The following GALNT13 variants were observed in gnomAD, a reference collection of about 807,000 sequenced individuals.
GALNT13 encodes polypeptide N-acetylgalactosaminyltransferase 13, also known as UDP-GalNAc:polypeptide N-acetylgalactosaminyltransferase 13.
Under a neutral mutation model 64.2 loss-of-function variants are expected in GALNT13, and 28 were observed. The observed-to-expected ratio is 0.44, with a 90% CI of 0.32 to 0.60. The LOEUF (loss-of-function observed/expected upper bound fraction) is 0.60. Among genes scored for constraint, GALNT13 ranks in the 20% least tolerant of loss-of-function variants. The pLI, the probability that GALNT13 is intolerant of heterozygous loss-of-function variation, is 0.05. For synonymous variants in GALNT13, 214 were observed against 224.6 expected, an observed-to-expected ratio of 0.95 and a Z score of 0.42; for missense variants, 577 against 669.8, an observed-to-expected ratio of 0.86 and a Z score of 1.53.
the GALNT13 span, among the ~76,000 whole-genome samples, chr2:153,374,557 T>C: frequency 3.3e-5 from 5 of 152,174 alleles, no homozygotes; most frequent in Non-Finnish European, 5.9e-5. Context: ...CAATTCTCTT[T>C]TCTGTGTTCA....
chr2:153,826,426 A>G, the GALNT13 span, among the ~76,000 whole-genome samples: 1 of 152,330 alleles, frequency 6.6e-6, no homozygotes, highest in South Asian at 2.1e-4. Context: ...TTGTGGATTA[A>G]GTTTTAACAT....
chr2:153,565,615 T>C, the GALNT13 span, among the ~76,000 whole-genome samples: 1 of 152,186 alleles, frequency 6.6e-6, no homozygotes, highest in South Asian at 2.1e-4. Context: ...CATTTTTTTC[T>C]CGTAAGTGTT....
At chr2:153,558,986 T>A in the GALNT13 span, among the ~76,000 whole-genome samples, 1 of 152,206 alleles carries the variant, frequency 6.6e-6, no homozygotes, top group African/African-American at 2.4e-5. Flanking sequence ...AGAAATGTTA[T>A]TATATTTTGG....
the GALNT13 span, among the ~76,000 whole-genome samples, chr2:153,628,444 C>T: frequency 4.5e-3 from 680 of 152,036 alleles, 4 homozygotes; most frequent in African/African-American, 0.016. Flanking sequence ...GGGAATGCTT[C>T]CAGTTTTTGC....
At chr2:153,393,604 G>T in the GALNT13 span, among the ~76,000 whole-genome samples, 2 of 151,974 alleles carry the variant, frequency 1.3e-5, no homozygotes, top group Non-Finnish European at 2.9e-5. Flanking sequence ...TGGCTAGGTC[G>T]TGGTACCTGG....
At chr2:153,337,325 C>T in the GALNT13 span, among the ~76,000 whole-genome samples, 1 of 152,222 alleles carries the variant, frequency 6.6e-6, no homozygotes, top group Admixed American at 6.5e-5. Context: ...CAGCTGCCTA[C>T]TCCTGTACTA....
At chr2:153,654,156 G>A in the GALNT13 span, among the ~76,000 whole-genome samples, 5 of 151,990 alleles carry the variant, frequency 3.3e-5, no homozygotes, top group Admixed American at 6.6e-5. Flanking sequence ...AATGTAAATA[G>A]CTGCAAAATC....
intron 1 of GALNT13, among the ~76,000 whole-genome samples, chr2:153,883,890 A>T (rs1272913209): frequency 2.4e-4 from 36 of 152,036 alleles, no homozygotes; most frequent in Admixed American, 2.4e-3. Context: ...TCATCTTTTG[A>T]TTGATTTTCA....
intron 2 of GALNT13, among the ~76,000 whole-genome samples, chr2:153,942,464 T>G (rs1353383247): frequency 6.6e-6 from 1 of 152,184 alleles, no homozygotes; most frequent in African/African-American, 2.4e-5. Flanking sequence ...TAGCTTGAAT[T>G]GTTTCATATC....
In GALNT13 at chr2:153,976,037, C is replaced by T. The variant is rs151168871; in HGVS notation, c.142+31398C>T. Among the ~76,000 whole-genome samples, 283 of 152,184 alleles carry T rather than the reference C, an allele frequency of 1.9e-3. 2 individuals are homozygous for T. The highest frequency in any genetic ancestry group is 3.5e-3 in the Non-Finnish European group (240 of 67,960). Reference sequence around the variant, plus strand: ...TCCCAACATACCTCACCTGACCATTCCAGCTGACATTGCCACTTCAAAATT... The same window carrying T: ...TCCCAACATACCTCACCTGACCATTTCAGCTGACATTGCCACTTCAAAATT... On this transcript the variant is annotated intron_variant, in intron 3 of 12. Coordinates refer to ENST00000392825, the MANE Select transcript of GALNT13 (RefSeq NM_052917.4).
the GALNT13 span, among the ~76,000 whole-genome samples, chr2:153,745,650 C>A: frequency 1.3e-5 from 2 of 152,158 alleles, no homozygotes; most frequent in African/African-American, 2.4e-5. Flanking sequence ...TAACATTAAA[C>A]TTCAAATATT....
At chr2:153,265,347 T>C in the GALNT13 span, among the ~76,000 whole-genome samples, 109 of 152,298 alleles carry the variant, frequency 7.2e-4, no homozygotes, top group African/African-American at 2.4e-3. Flanking sequence ...AACTCAGGTC[T>C]GATGGCTGGA....
the GALNT13 span, among the ~76,000 whole-genome samples, chr2:153,624,019 C>G: frequency 6.6e-6 from 1 of 152,008 alleles, no homozygotes; most frequent in African/African-American, 2.4e-5. Context: ...TAACCATGAA[C>G]ATGCCTATAT....
the GALNT13 span, among the ~76,000 whole-genome samples, chr2:153,840,613 T>C: frequency 2.6e-4 from 40 of 152,204 alleles, no homozygotes; most frequent in South Asian, 8.3e-3. Context: ...AGAAATGCAT[T>C]ATAAAGGCAG....
the GALNT13 span, among the ~76,000 whole-genome samples, chr2:153,419,515 G>A: frequency 6.6e-6 from 1 of 152,218 alleles, no homozygotes; most frequent in African/African-American, 2.4e-5. Flanking sequence ...AACAAGAGGT[G>A]AATGTTTTTT....
chr2:153,869,916 C>T (rs931833881), upstream of GALNT13, among the ~76,000 whole-genome samples: 1 of 152,046 alleles, frequency 6.6e-6, no homozygotes, highest in African/African-American at 2.4e-5. Flanking sequence ...GCTTGCACTC[C>T]CTTGTTGCTT....
the GALNT13 span, among the ~76,000 whole-genome samples, chr2:153,517,323 G>A: frequency 6.6e-6 from 1 of 152,118 alleles, no homozygotes; most frequent in African/African-American, 2.4e-5. Context: ...AAAAGCCCAG[G>A]GGGTGAAACT....
chr2:154,419,664 G>A (rs888450903), intron 11 of GALNT13, among the ~76,000 whole-genome samples: 3 of 151,994 alleles, frequency 2.0e-5, no homozygotes, highest in African/African-American at 7.2e-5. Context: ...ATGATTCCTT[G>A]TGTCCATAAT....
At chr2:153,807,875 A>T in the GALNT13 span, among the ~76,000 whole-genome samples, 2 of 152,006 alleles carry the variant, frequency 1.3e-5, no homozygotes, top group Non-Finnish European at 2.9e-5. Flanking sequence ...ATCTTTATTT[A>T]TAGGAATTCA....
Sources: allele counts gnomAD v4.1 joint callset (sites outside exome capture counted in the v4.1 genomes callset), GRCh38; gene constraint gnomAD v4.1.1; transcripts MANE v1.5; gene names NCBI Gene and HGNC (gene_info 2026-07-23, HGNC 2026-07-21).